The following ACER3 variants were observed in gnomAD, a reference collection of about 807,000 sequenced individuals.
The protein encoded by ACER3 is alkaline ceramidase 3.
In ACER3, 16 loss-of-function variants were observed where a neutral mutation model predicts 48.9. The ratio of observed to expected loss-of-function variants is 0.33; its 90% CI spans 0.22 to 0.50. The LOEUF (loss-of-function observed/expected upper bound fraction) is 0.50, where lower values mean the gene tolerates loss of function less well. Ranked by LOEUF, ACER3 falls within the 20% of genes least tolerant of loss-of-function variation. ACER3 has a pLI of 0.98. For missense variants in ACER3, 227 were observed against 326.0 expected (o/e 0.70, Z 2.34); for synonymous variants, 109 against 107.8 (o/e 1.01, Z -0.07).
chr11:76,964,824 A>G (rs991626895), intron 3 of ACER3, among the ~76,000 whole-genome samples: 2 of 151,298 alleles, frequency 1.3e-5, no homozygotes, highest in African/African-American at 4.9e-5. Flanking sequence ...CGTCACCATC[A>G]TCAAAGACCA....
chr11:76,938,898 G>T (rs1198730706), intron 2 of ACER3, among the ~76,000 whole-genome samples: 1 of 151,280 alleles, frequency 6.6e-6, no homozygotes, highest in Non-Finnish European at 1.5e-5. Context: ...TGGAGAAGTG[G>T]CCCATTTTTG....
intron 2 of ACER3, among the ~76,000 whole-genome samples, chr11:76,943,758 C>G (rs145062600): frequency 7.2e-6 from 1 of 138,640 alleles, no homozygotes; most frequent in African/African-American, 2.6e-5. Flanking sequence ...GACCCCCCCC[C>G]CCACTATTAT....
intron 2 of ACER3, among the ~76,000 whole-genome samples, chr11:76,932,237 A>C (rs1434660419): frequency 2.0e-5 from 3 of 152,138 alleles, no homozygotes; most frequent in Non-Finnish European, 4.4e-5. Flanking sequence ...GGTGTGTGCC[A>C]CTGTGCCTGG....
chr11:76,915,394 A>G (rs1378922728), intron 1 of ACER3, among the ~76,000 whole-genome samples: 1 of 151,860 alleles, frequency 6.6e-6, no homozygotes, highest in Non-Finnish European at 1.5e-5. Context: ...AGTTATACAC[A>G]TGCCCATCTG....
intron 1 of ACER3, among the ~76,000 whole-genome samples, chr11:76,906,230 G>C (rs1425982783): frequency 6.6e-6 from 1 of 152,202 alleles, no homozygotes; most frequent in African/African-American, 2.4e-5. Context: ...ACAAGATTAG[G>C]ATTATGGGAG....
At chr11:76,970,593 TTGAA>T (rs1202114883) in intron 3 of ACER3, among the ~76,000 whole-genome samples, 4 of 152,158 alleles carry the variant, frequency 2.6e-5, no homozygotes, top group Non-Finnish European at 4.4e-5. Context: ...CTTAAAAAAA[TTGAA>T]TGAGGTCTGT....
intron 1 of ACER3, among the ~76,000 whole-genome samples, chr11:76,884,589 T>G (rs1945626114): frequency 1.3e-5 from 2 of 152,236 alleles, no homozygotes; most frequent in South Asian, 4.1e-4. Context: ...CTTCATCTAT[T>G]AAACATTAAG....
intron 2 of ACER3, among the ~76,000 whole-genome samples, chr11:76,927,973 C>T (rs1011119022): frequency 2.0e-5 from 3 of 152,038 alleles, no homozygotes; most frequent in African/African-American, 4.8e-5. Context: ...TGAGTATATA[C>T]CCAATAATGG....
chr11:76,891,849 A>G (rs998253184), intron 1 of ACER3, among the ~76,000 whole-genome samples: 4 of 152,170 alleles, frequency 2.6e-5, no homozygotes, highest in Non-Finnish European at 5.9e-5. Context: ...TAAAATAGGA[A>G]AAAGCACATC....
At chr11:76,991,809 C>G (rs1476842345) in intron 6 of ACER3, among the ~76,000 whole-genome samples, 1 of 64,580 alleles carries the variant, frequency 1.5e-5, no homozygotes, top group East Asian at 4.1e-4. Flanking sequence ...GAATGAAACT[C>G]TGTCTCAAAA....
intron 5 of ACER3, among the ~76,000 whole-genome samples, chr11:76,990,171 C>T (rs1335231988): frequency 6.6e-6 from 1 of 152,190 alleles, no homozygotes; most frequent in Non-Finnish European, 1.5e-5. Context: ...ACTCCTATCT[C>T]TAAGTCCGGT....
At chr11:76,932,275 A>G (rs1459603023) in intron 2 of ACER3, among the ~76,000 whole-genome samples, 3 of 151,996 alleles carry the variant, frequency 2.0e-5, no homozygotes. Context: ...AACTCTCTAA[A>G]GTCTCTTTCT....
chr11:76,949,941 CA>C (rs1276723310), intron 2 of ACER3, among the ~76,000 whole-genome samples: 1 of 152,168 alleles, frequency 6.6e-6, no homozygotes, highest in Non-Finnish European at 1.5e-5. Context: ...TTAGCTATAT[CA>C]AACTACTTGC....
At chr11:76,968,455 A>T (rs1948199602) in intron 3 of ACER3, among the ~76,000 whole-genome samples, 1 of 152,344 alleles carries the variant, frequency 6.6e-6, no homozygotes, top group South Asian at 2.1e-4. Context: ...TAAAGTCCAC[A>T]TGGAACCAAA....
At position 77,023,767 on chromosome 11, in the gene ACER3, A is replaced by G. The variant is rs1949506140; in HGVS notation, c.*3440A>G. On this transcript the variant is annotated 3_prime_UTR_variant, in exon 11 of 11. Coordinates refer to ENST00000532485, the MANE Select transcript of ACER3 (RefSeq NM_018367.7). ...TGTCTACAATTATAGCTTATTCACT[A>G]TGTTCTAACTATTTAAAAATAATGG... 2 of 152,144 alleles carry G rather than the reference A, an allele frequency of 1.3e-5. No individual in the cohort carries two copies. The highest frequency in any genetic ancestry group is 2.4e-5 in the African/African-American group (1 of 41,400). The allele number at this position is 152,144 out of a possible 1,614,324, so 9.4% of individuals were successfully genotyped here.
At chr11:76,943,431 A>G (rs529925528) in intron 2 of ACER3, among the ~76,000 whole-genome samples, 21 of 152,084 alleles carry the variant, frequency 1.4e-4, no homozygotes, top group African/African-American at 5.1e-4. Context: ...GATCATTCAG[A>G]AGCATGTTGT....
intron 2 of ACER3, among the ~76,000 whole-genome samples, chr11:76,943,266 G>A (rs1055977760): frequency 6.6e-6 from 1 of 151,776 alleles, no homozygotes; most frequent in African/African-American, 2.4e-5. Flanking sequence ...GTTAATTTAT[G>A]ATCTTTCTAC....
At chr11:76,982,497 G>A (rs948309035) in intron 4 of ACER3, among the ~76,000 whole-genome samples, 11 of 152,182 alleles carry the variant, frequency 7.2e-5, no homozygotes, top group African/African-American at 2.7e-4. Context: ...TTACAGGCAT[G>A]AGCCACTGTA....
intron 9 of ACER3, 22 bp downstream of exon 9, chr11:77,016,801 A>G: frequency 7.5e-7 from 1 of 1,330,310 alleles, no homozygotes. Flanking sequence ...AGACTTTTTT[A>G]GCCTCGTACT....
Sources: gnomAD v4.1 joint callset for allele counts (sites outside exome capture counted in the v4.1 genomes callset) on GRCh38, gnomAD v4.1.1 for gene constraint, MANE v1.5 for transcripts, NCBI Gene and HGNC (gene_info 2026-07-23, HGNC 2026-07-21) for gene names.